SLC25A21: variants seen among roughly 807,000 people sequenced by gnomAD.
The protein encoded by SLC25A21 is solute carrier family 25 member 21, also known as mitochondrial 2-oxodicarboxylate carrier.
SLC25A21 carries 47 observed loss-of-function variants against 43.8 expected under a neutral mutation model. The ratio of observed to expected loss-of-function variants is 1.07; its 90% CI spans 0.85 to 1.37. SLC25A21 has a LOEUF of 1.37. SLC25A21 is among the 40% of genes most tolerant of loss of function. The pLI is 0.00. For synonymous variants in SLC25A21, 131 were observed against 121.3 expected, an observed-to-expected ratio of 1.08 and a Z score of -0.52; for missense variants, 352 against 350.2, an observed-to-expected ratio of 1.00 and a Z score of -0.04.
intron 1 of SLC25A21, among the ~76,000 whole-genome samples, chr14:37,082,848 A>G (rs1345534174): frequency 6.6e-6 from 1 of 152,224 alleles, no homozygotes; most frequent in Non-Finnish European, 1.5e-5. Context: ...CTTCAGTAAT[A>G]CTAAAGAAGG....
At chr14:37,051,091 A>G (rs1024248440) in intron 1 of SLC25A21, among the ~76,000 whole-genome samples, 1 of 152,230 alleles carries the variant, frequency 6.6e-6, no homozygotes, top group Non-Finnish European at 1.5e-5. Flanking sequence ...TACATCATTA[A>G]TATCAAAGAT....
chr14:36,744,017 A>T (rs1885386545), intron 3 of SLC25A21, among the ~76,000 whole-genome samples: 1 of 152,106 alleles, frequency 6.6e-6, no homozygotes, highest in Non-Finnish European at 1.5e-5. Context: ...GAATTGCAAA[A>T]GATTGAGAAA....
intron 1 of SLC25A21, among the ~76,000 whole-genome samples, chr14:37,146,400 T>C (rs1971451): frequency 0.92 from 139,615 of 152,092 alleles, 64,953 homozygotes; most frequent in Non-Finnish European, 1. Context: ...GAACGTGGCA[T>C]CACCCCCAGC....
intron 1 of SLC25A21, among the ~76,000 whole-genome samples, chr14:37,064,762 C>G (rs761579849): frequency 1.3e-5 from 2 of 152,146 alleles, no homozygotes; most frequent in Admixed American, 6.5e-5. Flanking sequence ...ATTTCACTTC[C>G]AGGTTGACAA....
chr14:36,962,473 C>T (rs1959517009), intron 1 of SLC25A21, among the ~76,000 whole-genome samples: 1 of 152,166 alleles, frequency 6.6e-6, no homozygotes, highest in South Asian at 2.1e-4. Context: ...TCCCCAGTCT[C>T]CTCATTTCCT....
At chr14:37,075,512 C>G (rs977093950) in intron 1 of SLC25A21, among the ~76,000 whole-genome samples, 2 of 152,042 alleles carry the variant, frequency 1.3e-5, no homozygotes, top group African/African-American at 4.8e-5. Context: ...ATACACACAC[C>G]AAACTATAAA....
At chr14:37,136,677 T>C (rs1374572675) in intron 1 of SLC25A21, among the ~76,000 whole-genome samples, 1 of 151,994 alleles carries the variant, frequency 6.6e-6, no homozygotes, top group Non-Finnish European at 1.5e-5. Flanking sequence ...GTTGAATGGA[T>C]ACAAAAATTA....
chr14:36,703,045 C>T (rs1883350201), intron 7 of SLC25A21, among the ~76,000 whole-genome samples: 1 of 152,096 alleles, frequency 6.6e-6, no homozygotes, highest in Non-Finnish European at 1.5e-5. Flanking sequence ...GTAGTTTTTC[C>T]CCAGTGGTTT....
At chr14:37,025,119 A>G (rs1262179666) in intron 1 of SLC25A21, among the ~76,000 whole-genome samples, 1 of 152,130 alleles carries the variant, frequency 6.6e-6, no homozygotes, top group South Asian at 2.1e-4. Flanking sequence ...TCAGAGTTAG[A>G]GCTACACTAC....
At chr14:37,098,930 G>A (rs898005478) in intron 1 of SLC25A21, among the ~76,000 whole-genome samples, 1 of 151,822 alleles carries the variant, frequency 6.6e-6, no homozygotes, top group Non-Finnish European at 1.5e-5. Flanking sequence ...AGCCTCTCGA[G>A]TAGCTGGGAT....
chr14:37,081,502 C>A (rs1234400313), intron 1 of SLC25A21, among the ~76,000 whole-genome samples: 4 of 152,114 alleles, frequency 2.6e-5, no homozygotes, highest in Admixed American at 6.5e-5. Flanking sequence ...GTGGTTGTCT[C>A]CAAATGGTCC....
At chr14:36,980,511 T>C (rs932626019) in intron 1 of SLC25A21, among the ~76,000 whole-genome samples, 2 of 152,238 alleles carry the variant, frequency 1.3e-5, no homozygotes, top group African/African-American at 4.8e-5. Context: ...CAATCACTGA[T>C]ACCCTTTCTT....
chr14:36,924,813 T>C (rs545115585), intron 1 of SLC25A21, among the ~76,000 whole-genome samples: 20 of 152,328 alleles, frequency 1.3e-4, no homozygotes, highest in Non-Finnish European at 2.1e-4. Flanking sequence ...TTTTAGGTAG[T>C]ATAAGTAATC....
At chr14:36,935,978 T>C (rs1566752097) in intron 1 of SLC25A21, among the ~76,000 whole-genome samples, 2 of 152,110 alleles carry the variant, frequency 1.3e-5, no homozygotes, top group East Asian at 1.9e-4. Context: ...AACAAGTTTG[T>C]TTCTAAATGA....
At chr14:37,050,640 T>C (rs10133042) in intron 1 of SLC25A21, among the ~76,000 whole-genome samples, 67,616 of 152,066 alleles carry the variant, frequency 0.44, 17,359 homozygotes, top group African/African-American at 0.72. Context: ...AATGCGTTCA[T>C]TTGAGTAAAA....
intron 1 of SLC25A21, among the ~76,000 whole-genome samples, chr14:37,119,860 A>G (rs1963174852): frequency 6.6e-6 from 1 of 152,182 alleles, no homozygotes; most frequent in African/African-American, 2.4e-5. Context: ...ATCTTACTGT[A>G]CACTGTTCTC....
intron 1 of SLC25A21, among the ~76,000 whole-genome samples, chr14:37,152,008 G>T (rs1215218274): frequency 6.6e-6 from 1 of 152,116 alleles, no homozygotes; most frequent in African/African-American, 2.4e-5. Flanking sequence ...GCACTCCAGT[G>T]TGGGCGACAG....
intron 1 of SLC25A21, among the ~76,000 whole-genome samples, chr14:37,009,240 C>A (rs1244907887): frequency 6.6e-6 from 1 of 152,158 alleles, no homozygotes; most frequent in African/African-American, 2.4e-5. Context: ...GTAATCCCAG[C>A]ACTTTGGGAG....
intron 1 of SLC25A21, among the ~76,000 whole-genome samples, chr14:36,920,337 G>A (rs1365106546): frequency 6.6e-6 from 1 of 151,940 alleles, no homozygotes; most frequent in Non-Finnish European, 1.5e-5. Flanking sequence ...CAAGAATGTG[G>A]TTATATTTTT....
Sources: allele counts gnomAD v4.1 joint callset (sites outside exome capture counted in the v4.1 genomes callset), GRCh38; gene constraint gnomAD v4.1.1; transcripts MANE v1.5; gene names NCBI Gene and HGNC (gene_info 2026-07-23, HGNC 2026-07-21).